Variants in ISG20 observed in about 807,000 individuals in gnomAD.
ISG20 encodes the protein interferon stimulated exonuclease gene 20.
Under a neutral mutation model 11.1 loss-of-function variants are expected in ISG20, and 8 were observed. The observed-to-expected ratio is 0.72, with a 90% CI of 0.42 to 1.30. ISG20 has a LOEUF of 1.30. ISG20 is among the 50% of genes most tolerant of loss of function. The pLI, the probability that ISG20 is intolerant of heterozygous loss-of-function variation, is 0.01. For missense variants in ISG20, 243 were observed against 250.2 expected (o/e 0.97, Z 0.19); for synonymous variants, 110 against 101.7 (o/e 1.08, Z -0.49).
Position 88,650,311 on chromosome 15 carries a change from T to C in ISG20, c.229-1799T>C, listed in dbSNP as rs1282616223. 2 of 1,535,508 alleles carry C rather than the reference T, an allele frequency of 1.3e-6. No homozygotes were observed. The highest frequency in any genetic ancestry group is 2.0e-5 in the Admixed American group (1 of 50,970). On this transcript the variant is annotated intron_variant, in intron 2 of 3. Transcript: ENST00000306072. The surrounding 1 kb of genome is among the most constrained non-coding windows in gnomAD (Gnocchi z 4.0). ...CCTGTGTGACCAGAGCAGGGCAGGC[T>C]GTCCATGTGGGAGGCGAGGCGAGGA...
In ISG20 at chr15:88,655,882, G is replaced by C. The variant is rs898425133; in HGVS notation, c.*351G>C. ...GTTGCATCCCAGCCCTATTCCTGGTGCATTTATGCCCAGAGAGGTGGCATT... is the reference window on the plus strand; with the variant it reads ...GTTGCATCCCAGCCCTATTCCTGGTCCATTTATGCCCAGAGAGGTGGCATT... On this transcript the variant is annotated 3_prime_UTR_variant, in exon 4 of 4. Transcript: ENST00000306072. 5.4e-6 allele frequency: 1 copy of C among 186,230 alleles called. No homozygotes were observed. Among genetic ancestry groups the C allele is most frequent in the African/African-American group, 2.4e-5 (1 of 41,868 alleles). The allele number at this position is 186,230 out of a possible 1,614,324, so 11.5% of individuals were successfully genotyped here.
chr15:88,640,050 C>T (rs890744312), intron 2 of ISG20, among the ~76,000 whole-genome samples: 1 of 152,244 alleles, frequency 6.6e-6, no homozygotes, highest in Non-Finnish European at 1.5e-5. Flanking sequence ...AGCATTCTGA[C>T]CCAGAGTAGG....
At chr15:88,648,473 T>C (rs4499212) in intron 2 of ISG20, 119,144 of 152,248 alleles carry the variant, frequency 0.78, 46,822 homozygotes, top group Middle Eastern at 0.86. Flanking sequence ...CCGCACCTGG[T>C]CTGGCACTCC....
intron 2 of ISG20, among the ~76,000 whole-genome samples, chr15:88,642,685 C>T (rs1252504577): frequency 2.0e-5 from 3 of 152,186 alleles, no homozygotes; most frequent in South Asian, 2.1e-4. Context: ...GGCGCGATCT[C>T]GGCTCACTAC....
rs200832099 is a variant in ISG20, at chr15:88,655,547, G to A, written c.*16G>A. 52 of 1,598,298 alleles carry A rather than the reference G, an allele frequency of 3.3e-5. No individual in the cohort carries two copies. The highest frequency in any genetic ancestry group is 1.7e-4 in the South Asian group (15 of 90,688). ...GTCAGACTGAAGCCCCATCCAGCCCGTTCCGCAGGGACTAGAGGCTTTCGG... is the reference window on the plus strand; with the variant it reads ...GTCAGACTGAAGCCCCATCCAGCCCATTCCGCAGGGACTAGAGGCTTTCGG... On this transcript the variant is annotated 3_prime_UTR_variant, in exon 4 of 4. Transcript: ENST00000306072.
chr15:88,644,141 A>C (rs1322526880), intron 2 of ISG20, among the ~76,000 whole-genome samples: 1 of 152,182 alleles, frequency 6.6e-6, no homozygotes, highest in Non-Finnish European at 1.5e-5. Flanking sequence ...GGAGCCATTG[A>C]AGATTCTTGA....
In ISG20 at chr15:88,643,837, T is replaced by A. The variant is rs1375875446; in HGVS notation, c.228+4243T>A. 1.3e-5 allele frequency among the ~76,000 whole-genome samples: 2 copies of A among 152,206 alleles called. No individual in the cohort carries two copies. Among genetic ancestry groups the A allele is most frequent in the East Asian group, 3.8e-4 (2 of 5,200 alleles). ...GGGTTTTGGATTTTGGATTTGGGAT[T>A]TTTTTGGATTTTGGAATATTTGCAT... On this transcript the variant is annotated intron_variant, in intron 2 of 3. Coordinates refer to ENST00000306072, the MANE Select transcript of ISG20 (RefSeq NM_002201.6). The surrounding 1 kb of genome is among the most constrained non-coding windows in gnomAD (Gnocchi z 4.4).
upstream of ISG20, among the ~76,000 whole-genome samples, chr15:88,635,877 A>G (rs559822819): frequency 6.6e-6 from 1 of 152,092 alleles, no homozygotes; most frequent in Non-Finnish European, 1.5e-5. Flanking sequence ...TTGTTGAAAA[A>G]TCTCTCCCAA....
chr15:88,651,079 A>T (rs981368836), intron 2 of ISG20: 2 of 449,648 alleles, frequency 4.4e-6, no homozygotes, highest in Non-Finnish European at 5.9e-6. Context: ...CGGACTTCTT[A>T]TAGAATTGCG....
chr15:88,639,780 T>C lies in ISG20; in HGVS notation c.228+186T>C, dbSNP rs1381030501. ...AAGGCTTCCTGTCTTCAGAGAACCA[T>C]AGACTCACATCTGGAAGCCGCCTTT... On this transcript the variant is annotated intron_variant, in intron 2 of 3. Transcript: ENST00000306072. This position sits in a 1 kb window ranked among gnomAD's most constrained non-coding sequence, Gnocchi z 4.2. 6.6e-6 allele frequency among the ~76,000 whole-genome samples: 1 copy of C among 152,240 alleles called. No individual in the cohort carries two copies. Among genetic ancestry groups the C allele is most frequent in the African/African-American group, 2.4e-5 (1 of 41,454 alleles).
At chr15:88,644,752 A>G (rs932562527) in intron 2 of ISG20, among the ~76,000 whole-genome samples, 2 of 152,092 alleles carry the variant, frequency 1.3e-5, no homozygotes, top group African/African-American at 4.8e-5. Flanking sequence ...CACCACAAGG[A>G]GCTCCCCGCC....
intron 3 of ISG20, among the ~76,000 whole-genome samples, chr15:88,654,554 G>A (rs2058343313): frequency 1.3e-5 from 2 of 152,158 alleles, no homozygotes; most frequent in African/African-American, 2.4e-5. Flanking sequence ...GCTGGGTACC[G>A]GCCAGGACAC....
At chr15:88,636,996 G>A (rs1052978823), upstream of ISG20, among the ~76,000 whole-genome samples, 2 of 149,012 alleles carry the variant, frequency 1.3e-5, no homozygotes, top group Non-Finnish European at 2.9e-5. Context: ...GAGGAAGACA[G>A]AAAGAGCCAG....
chr15:88,653,086 C>A (rs1281827436), intron 3 of ISG20, among the ~76,000 whole-genome samples: 1 of 152,144 alleles, frequency 6.6e-6, no homozygotes, highest in Non-Finnish European at 1.5e-5. Context: ...CAGGGCTGTA[C>A]ACAGGGACCC....
Position 88,650,745 on chromosome 15 carries a change from A to G in ISG20, c.229-1365A>G, listed in dbSNP as rs566591556. ...GGCTTTTCCCCGTGGTCTTTCCAGCATGGTGGCTTTGGGGTGGCCAGACAT... is the reference window on the plus strand; with the variant it reads ...GGCTTTTCCCCGTGGTCTTTCCAGCGTGGTGGCTTTGGGGTGGCCAGACAT... On this transcript the variant is annotated intron_variant, in intron 2 of 3. Transcript: ENST00000306072. The surrounding 1 kb of genome is among the most constrained non-coding windows in gnomAD (Gnocchi z 4.0). The G allele has an allele frequency of 1.4e-4, 23 of 169,512 alleles. No homozygotes were observed. The highest frequency in any genetic ancestry group is 2.8e-4 in the Non-Finnish European group (22 of 78,622). 10.5% of individuals were successfully genotyped at this position (169,512 alleles called of 1,614,324 possible). A position where few individuals can be genotyped will look rare whatever the true frequency, so the allele number is the denominator to read the frequency against.
Position 88,656,332 on chromosome 15 carries a change from G to A in ISG20, c.*801G>A, listed in dbSNP as rs1596066835. 1 of 152,140 alleles carries A rather than the reference G, an allele frequency of 6.6e-6. No homozygotes were observed. Among genetic ancestry groups the A allele is most frequent in the African/African-American group, 2.4e-5 (1 of 41,422 alleles). The allele number at this position is 152,140 out of a possible 1,614,324, so 9.4% of individuals were successfully genotyped here. On this transcript the variant is annotated 3_prime_UTR_variant, in exon 4 of 4. Coordinates refer to ENST00000306072, the MANE Select transcript of ISG20 (RefSeq NM_002201.6). Reference sequence around the variant, plus strand: ...AAGAGTCACCGCACTCTGTTTCGGGGCTCGGCTCTCTGAGGGGAGGGCATC... The same window carrying A: ...AAGAGTCACCGCACTCTGTTTCGGGACTCGGCTCTCTGAGGGGAGGGCATC...
chr15:88,653,419 G>A, intron 3 of ISG20, among the ~76,000 whole-genome samples: 1 of 152,176 alleles, frequency 6.6e-6, no homozygotes, highest in East Asian at 1.9e-4. Context: ...GGGCTGGGGA[G>A]CACGGAGCCC....
chr15:88,639,548 C>G lies in ISG20; in HGVS notation c.182C>G (p.Pro61Arg), dbSNP rs371941091. 1.2e-6 allele frequency: 2 copies of G among 1,614,212 alleles called. No individual in the cohort carries two copies. The change falls in exon 2 of 4, where the codon CCT (proline) becomes CGT (arginine). Residue 61 changes from proline to arginine, a missense_variant. By Grantham distance (103) the Pro-to-Arg change is moderately radical. Coordinates refer to ENST00000306072, the MANE Select transcript of ISG20 (RefSeq NM_002201.6). The surrounding 1 kb of genome is among the most constrained non-coding windows in gnomAD (Gnocchi z 4.2). Reference sequence around the variant, plus strand: ...AGAACCCGGGTCAGCGGGGTCACCCCTCAGCACATGGTGGGGGCCACACCA... The same window carrying G: ...AGAACCCGGGTCAGCGGGGTCACCCGTCAGCACATGGTGGGGGCCACACCA... The part of the protein sequence containing the change: ...DYRTRVSGVT[P>R]QHMVGATPFA...
rs1162105215 is a variant in ISG20 at position 88,650,601 on chromosome 15, C to A, written c.229-1509C>A. The A allele has an allele frequency of 1.3e-5, 7 of 547,956 alleles. No homozygotes were observed. The highest frequency in any genetic ancestry group is 2.0e-5 in the Non-Finnish European group (7 of 348,662). The allele number at this position is 547,956 out of a possible 1,614,324, so 33.9% of individuals were successfully genotyped here. A position where few individuals can be genotyped will look rare whatever the true frequency, so the allele number is the denominator to read the frequency against. The stretch of plus-strand genomic sequence containing the variant: ...TGCAGTTTGGGCAGGTGCTCTGCAG[C>A]AGGACAGGCCGTCAGTTAAGGCACC... On this transcript the variant is annotated intron_variant, in intron 2 of 3. Transcript: ENST00000306072. This position sits in a 1 kb window ranked among gnomAD's most constrained non-coding sequence, Gnocchi z 4.0.
Sources: gnomAD v4.1 joint callset for allele counts (sites outside exome capture counted in the v4.1 genomes callset) on GRCh38, gnomAD v4.1.1 for gene constraint, Gnocchi (gnomAD v3.1) non-coding constraint, MANE v1.5 for transcripts, NCBI Gene and HGNC (gene_info 2026-07-23, HGNC 2026-07-21) for gene names.